Variants in NEGR1 observed in about 807,000 individuals in gnomAD.
NEGR1 encodes neuronal growth regulator 1.
A neutral mutation model predicts 40.9 loss-of-function variants in NEGR1; 10 were observed. That is an observed-to-expected ratio of 0.24 (90% CI 0.15 to 0.42). The LOEUF is 0.42. Among genes scored for constraint, NEGR1 ranks in the 10% least tolerant of loss-of-function variants. NEGR1 has a pLI of 1.00. For synonymous variants in NEGR1, 185 were observed against 166.8 expected (o/e 1.11, Z -0.84); for missense variants, 352 against 438.9 (o/e 0.80, Z 1.77).
chr1:71,790,238 T>C (rs1461180880), intron 2 of NEGR1, among the ~76,000 whole-genome samples: 1 of 152,102 alleles, frequency 6.6e-6, no homozygotes, highest in East Asian at 1.9e-4. Context: ...CAACTTGTAT[T>C]GGTGGTAGAT....
chr1:71,707,572 C>T (rs1472197933), intron 3 of NEGR1, among the ~76,000 whole-genome samples: 5 of 152,150 alleles, frequency 3.3e-5, no homozygotes, highest in Non-Finnish European at 2.9e-5. Flanking sequence ...GCCTGGGGGA[C>T]TTCACCATCC....
At chr1:71,720,408 C>T (rs1485749267) in intron 3 of NEGR1, among the ~76,000 whole-genome samples, 1 of 152,172 alleles carries the variant, frequency 6.6e-6, no homozygotes, top group Non-Finnish European at 1.5e-5. Flanking sequence ...TGATGGGCAT[C>T]AAAAGCTTCA....
At chr1:72,119,412 A>G (rs1382503614) in intron 1 of NEGR1, among the ~76,000 whole-genome samples, 1 of 151,894 alleles carries the variant, frequency 6.6e-6, no homozygotes, top group Admixed American at 6.6e-5. Flanking sequence ...AATTAGCATG[A>G]TATTATATTT....
chr1:72,166,736 T>C (rs1474108634), intron 1 of NEGR1, among the ~76,000 whole-genome samples: 2 of 152,072 alleles, frequency 1.3e-5, no homozygotes, highest in Admixed American at 1.3e-4. Flanking sequence ...GAGAGTATTA[T>C]TATGGTTACC....
intron 4 of NEGR1, among the ~76,000 whole-genome samples, chr1:71,691,663 A>G (rs1475602112): frequency 6.6e-6 from 1 of 151,754 alleles, no homozygotes; most frequent in East Asian, 1.9e-4. Flanking sequence ...TTTCATTATG[A>G]AACACTGGAT....
chr1:71,707,246 G>T (rs1653932133), intron 3 of NEGR1, among the ~76,000 whole-genome samples: 1 of 152,136 alleles, frequency 6.6e-6, no homozygotes, highest in South Asian at 2.1e-4. Context: ...TTCTGGACCT[G>T]CCCTGGGCTA....
chr1:72,009,834 G>T (rs1308446065), intron 1 of NEGR1, among the ~76,000 whole-genome samples: 1 of 152,000 alleles, frequency 6.6e-6, no homozygotes, highest in South Asian at 2.1e-4. Flanking sequence ...GAGAATGAAT[G>T]AAATCCAATG....
chr1:71,410,545 C>T (rs1646312882), intron 6 of NEGR1, among the ~76,000 whole-genome samples: 1 of 152,080 alleles, frequency 6.6e-6, no homozygotes, highest in Non-Finnish European at 1.5e-5. Context: ...TGGGAGGATT[C>T]CCTATGGCAG....
chr1:71,528,072 C>T (rs1647247225), intron 6 of NEGR1, among the ~76,000 whole-genome samples: 1 of 151,242 alleles, frequency 6.6e-6, no homozygotes, highest in South Asian at 2.1e-4. Flanking sequence ...AGCATTTTTG[C>T]TGAAATCATC....
chr1:72,178,385 C>A (rs953651947), intron 1 of NEGR1, among the ~76,000 whole-genome samples: 1 of 151,728 alleles, frequency 6.6e-6, no homozygotes, highest in Non-Finnish European at 1.5e-5. Context: ...TTGCGGAATT[C>A]CAATTAACTC....
At chr1:71,953,414 C>T (rs1398760024) in intron 1 of NEGR1, among the ~76,000 whole-genome samples, 1 of 151,950 alleles carries the variant, frequency 6.6e-6, no homozygotes, top group Non-Finnish European at 1.5e-5. Context: ...AGGAGCTGCT[C>T]TTTACAGATG....
At chr1:72,183,878 A>AT (rs1173643095) in intron 1 of NEGR1, among the ~76,000 whole-genome samples, 2 of 152,080 alleles carry the variant, frequency 1.3e-5, no homozygotes, top group African/African-American at 2.4e-5. Flanking sequence ...TATGAGTAAT[A>AT]TTTTTTTAAT....
At chr1:71,665,966 GTTTA>G (rs1171212471) in intron 4 of NEGR1, among the ~76,000 whole-genome samples, 1 of 152,048 alleles carries the variant, frequency 6.6e-6, no homozygotes, top group Non-Finnish European at 1.5e-5. Context: ...GAGTAAATGT[GTTTA>G]TTTGACAGAG....
chr1:72,194,600 C>T (rs541217369), intron 1 of NEGR1, among the ~76,000 whole-genome samples: 43 of 152,116 alleles, frequency 2.8e-4, no homozygotes, highest in African/African-American at 1.0e-3. Flanking sequence ...CTTAACCTCA[C>T]AGTAAACACT....
intron 1 of NEGR1, among the ~76,000 whole-genome samples, chr1:72,066,571 G>T (rs546178328): frequency 6.6e-6 from 1 of 152,222 alleles, no homozygotes; most frequent in East Asian, 1.9e-4. Context: ...GTTAAATGAG[G>T]TCATAAGCTT....
chr1:71,811,060 G>A (rs1657984724), intron 2 of NEGR1, among the ~76,000 whole-genome samples: 1 of 152,060 alleles, frequency 6.6e-6, no homozygotes, highest in African/African-American at 2.4e-5. Flanking sequence ...TAGACATAAT[G>A]CCAAAAGATT....
chr1:72,203,911 C>A (rs1049914337), intron 1 of NEGR1, among the ~76,000 whole-genome samples: 1 of 152,008 alleles, frequency 6.6e-6, no homozygotes, highest in East Asian at 1.9e-4. Context: ...AATAAATATT[C>A]AAGTATTTTT....
chr1:71,459,824 C>T (rs1646701151), intron 6 of NEGR1, among the ~76,000 whole-genome samples: 1 of 152,190 alleles, frequency 6.6e-6, no homozygotes, highest in East Asian at 1.9e-4. Flanking sequence ...TTAGTTCCTT[C>T]CCATAGTGAT....
intron 6 of NEGR1, among the ~76,000 whole-genome samples, chr1:71,591,473 T>A (rs1198507365): frequency 6.6e-6 from 1 of 152,202 alleles, no homozygotes; most frequent in Non-Finnish European, 1.5e-5. Flanking sequence ...CTTTGCCGTG[T>A]TAATTCATTT....
Sources: gnomAD v4.1 joint callset for allele counts (sites outside exome capture counted in the v4.1 genomes callset) on GRCh38, gnomAD v4.1.1 for gene constraint, MANE v1.5 for transcripts, NCBI Gene and HGNC (gene_info 2026-07-23, HGNC 2026-07-21) for gene names.